Variants in GABRB1 observed in about 807,000 individuals in gnomAD.
GABRB1 encodes gamma-aminobutyric acid receptor subunit beta-1.
A neutral mutation model predicts 51.6 loss-of-function variants in GABRB1; 17 were observed. That is an observed-to-expected ratio of 0.33 (90% CI 0.23 to 0.49). The LOEUF (loss-of-function observed/expected upper bound fraction) is 0.49, where lower values mean the gene tolerates loss of function less well. Among genes scored for constraint, GABRB1 ranks in the 20% least tolerant of loss-of-function variants. The probability of loss-of-function intolerance (pLI) is 0.99; values close to 1 mark genes in which losing one functional copy is unlikely to be tolerated. For synonymous variants in GABRB1, 247 were observed against 218.9 expected, an observed-to-expected ratio of 1.13 and a Z score of -1.14; for missense variants, 410 against 600.6, an observed-to-expected ratio of 0.68 and a Z score of 3.32.
intron 3 of GABRB1, among the ~76,000 whole-genome samples, chr4:47,091,677 T>C (rs1158705668): frequency 2.6e-5 from 4 of 152,270 alleles, no homozygotes; most frequent in Non-Finnish European, 1.5e-5. Flanking sequence ...TCATCTGCAC[T>C]CCCCCAATCC....
intron 8 of GABRB1, among the ~76,000 whole-genome samples, chr4:47,414,959 G>C (rs1188291735): frequency 2.0e-5 from 3 of 152,168 alleles, no homozygotes. Context: ...TCTATACCTA[G>C]CATCCAGAAT....
At chr4:47,395,337 G>A (rs1413182986) in intron 5 of GABRB1, among the ~76,000 whole-genome samples, 1 of 152,146 alleles carries the variant, frequency 6.6e-6, no homozygotes, top group Non-Finnish European at 1.5e-5. Context: ...GCAGAAGAAA[G>A]CGAGAGAGAG....
At chr4:46,994,601 C>A (rs532549706) in intron 1 of GABRB1, among the ~76,000 whole-genome samples, 1 of 152,028 alleles carries the variant, frequency 6.6e-6, no homozygotes, top group African/African-American at 2.4e-5. Flanking sequence ...AATATTAGTT[C>A]CCTTGTGACA....
At chr4:47,097,622 T>C (rs1714511887) in intron 3 of GABRB1, among the ~76,000 whole-genome samples, 2 of 152,234 alleles carry the variant, frequency 1.3e-5, no homozygotes, top group Non-Finnish European at 2.9e-5. Flanking sequence ...TTGTCTGTTT[T>C]ATTTATTTCT....
At position 47,351,655 on chromosome 4, in the gene GABRB1, T is replaced by C. The variant is rs372101267; in HGVS notation, c.544+31446T>C. ...ATTCCCATCTATGAGTGAGAACATGTGGTGTTTGGTTTTTTGTCCTTGCGA... is the reference window on the plus strand; with the variant it reads ...ATTCCCATCTATGAGTGAGAACATGCGGTGTTTGGTTTTTTGTCCTTGCGA... On this transcript the variant is annotated intron_variant, in intron 5 of 8. Coordinates refer to ENST00000295454, the MANE Select transcript of GABRB1 (RefSeq NM_000812.4). Among the ~76,000 whole-genome samples the C allele has an allele frequency of 8.8e-5, 13 of 147,568 alleles. 1 individual carries two copies. In the South Asian group the frequency reaches 2.6e-3, roughly 30 times the overall value.
chr4:47,157,346 A>G (rs1717751561), intron 3 of GABRB1, among the ~76,000 whole-genome samples: 1 of 152,132 alleles, frequency 6.6e-6, no homozygotes, highest in African/African-American at 2.4e-5. Flanking sequence ...ACTAATGAAG[A>G]ATTAATAGAA....
chr4:47,284,084 C>T (rs1431851711), intron 4 of GABRB1, among the ~76,000 whole-genome samples: 1 of 126,528 alleles, frequency 7.9e-6, no homozygotes, highest in African/African-American at 3.2e-5. Context: ...AGCGACAGAG[C>T]GAGACTCAGT....
intron 3 of GABRB1, among the ~76,000 whole-genome samples, chr4:47,144,470 A>C (rs1195575357): frequency 6.6e-6 from 1 of 151,978 alleles, no homozygotes; most frequent in Non-Finnish European, 1.5e-5. Context: ...ATGTGAGAAC[A>C]ATTGAGAAAA....
intron 4 of GABRB1, among the ~76,000 whole-genome samples, chr4:47,184,874 A>G (rs1360569742): frequency 2.0e-5 from 3 of 151,826 alleles, no homozygotes; most frequent in African/African-American, 7.2e-5. Context: ...AGGTTTTTGA[A>G]TATTATATCT....
chr4:47,323,947 A>G (rs775604498), intron 5 of GABRB1, among the ~76,000 whole-genome samples: 3 of 152,216 alleles, frequency 2.0e-5, no homozygotes, highest in Non-Finnish European at 4.4e-5. Flanking sequence ...TTTAGTCTAA[A>G]GCGTATTTGG....
intron 4 of GABRB1, among the ~76,000 whole-genome samples, chr4:47,164,176 T>A (rs1349272393): frequency 6.6e-6 from 1 of 152,000 alleles, no homozygotes; most frequent in Non-Finnish European, 1.5e-5. Flanking sequence ...ACCTGGGGAT[T>A]ACAATTTGGA....
At chr4:47,136,689 T>A (rs1716671914) in intron 3 of GABRB1, among the ~76,000 whole-genome samples, 1 of 152,138 alleles carries the variant, frequency 6.6e-6, no homozygotes, top group South Asian at 2.1e-4. Flanking sequence ...AACCTTCCTG[T>A]TTAATCCATA....
At chr4:47,328,866 A>G (rs1725353844) in intron 5 of GABRB1, among the ~76,000 whole-genome samples, 1 of 151,886 alleles carries the variant, frequency 6.6e-6, no homozygotes, top group African/African-American at 2.4e-5. Flanking sequence ...ATGTATACAT[A>G]TGTAACTAAA....
chr4:47,160,936 A>G (rs756238024), intron 3 of GABRB1, among the ~76,000 whole-genome samples: 1 of 151,884 alleles, frequency 6.6e-6, no homozygotes, highest in Non-Finnish European at 1.5e-5. Flanking sequence ...ATAAGCATGT[A>G]CCACCACACC....
At chr4:47,401,906 T>C (rs1170575646) in intron 5 of GABRB1, among the ~76,000 whole-genome samples, 1 of 152,190 alleles carries the variant, frequency 6.6e-6, no homozygotes, top group Non-Finnish European at 1.5e-5. Flanking sequence ...CTATGGATTT[T>C]ATTGGCAGGT....
chr4:47,358,814 A>T (rs1726688269), intron 5 of GABRB1, among the ~76,000 whole-genome samples: 1 of 152,188 alleles, frequency 6.6e-6, no homozygotes, highest in Non-Finnish European at 1.5e-5. Flanking sequence ...ATGTAAATGT[A>T]ACTTGATAGA....
intron 4 of GABRB1, among the ~76,000 whole-genome samples, chr4:47,319,779 T>C (rs527374973): frequency 6.6e-6 from 1 of 152,314 alleles, no homozygotes; most frequent in Non-Finnish European, 1.5e-5. Context: ...CTCTGAATGT[T>C]TGGTAGACCT....
intron 4 of GABRB1, among the ~76,000 whole-genome samples, chr4:47,198,286 C>T (rs1011590609): frequency 2.0e-5 from 3 of 152,146 alleles, no homozygotes; most frequent in Non-Finnish European, 1.5e-5. Context: ...TAGTATGGTA[C>T]ATGTTTCAGT....
intron 4 of GABRB1, among the ~76,000 whole-genome samples, chr4:47,262,875 G>A (rs1442524511): frequency 6.6e-6 from 1 of 151,950 alleles, no homozygotes; most frequent in Non-Finnish European, 1.5e-5. Context: ...AAAAAATGAT[G>A]AGTTCATGTC....
Sources: gnomAD v4.1 joint callset for allele counts (sites outside exome capture counted in the v4.1 genomes callset) on GRCh38, gnomAD v4.1.1 for gene constraint, MANE v1.5 for transcripts, NCBI Gene and HGNC (gene_info 2026-07-23, HGNC 2026-07-21) for gene names.